Variants in ATP8A1 observed in about 807,000 individuals in gnomAD.
ATP8A1 encodes phospholipid-transporting ATPase IA.
In ATP8A1, 90 loss-of-function variants were observed where a neutral mutation model predicts 177.7. That is an observed-to-expected ratio of 0.51 (90% CI 0.43 to 0.60). The LOEUF is 0.60. ATP8A1 is among the 20% of genes least tolerant of loss of function. ATP8A1 has a pLI of 0.00. For synonymous variants in ATP8A1, 493 were observed against 485.9 expected (o/e 1.01, Z -0.19); for missense variants, 1,072 against 1,392.8 (o/e 0.77, Z 3.67).
At chr4:42,589,486 C>A (rs988008329) in intron 7 of ATP8A1, among the ~76,000 whole-genome samples, 14 of 152,048 alleles carry the variant, frequency 9.2e-5, no homozygotes, top group Admixed American at 2.6e-4. Flanking sequence ...GTGAAAATTG[C>A]TTAAACACAT....
chr4:42,544,807 A>C (rs1286004222), intron 19 of ATP8A1, among the ~76,000 whole-genome samples: 2 of 152,222 alleles, frequency 1.3e-5, no homozygotes, highest in Non-Finnish European at 2.9e-5. Flanking sequence ...AATATGCAGA[A>C]GCAGTCAGTT....
At chr4:42,541,818 G>A (rs1728419694) in intron 20 of ATP8A1, among the ~76,000 whole-genome samples, 1 of 152,180 alleles carries the variant, frequency 6.6e-6, no homozygotes, top group Non-Finnish European at 1.5e-5. Context: ...GGAAAAGGCA[G>A]TAAAAGGAAC....
chr4:42,579,284 T>C (rs920812264), intron 11 of ATP8A1, among the ~76,000 whole-genome samples: 3 of 150,804 alleles, frequency 2.0e-5, no homozygotes, highest in Non-Finnish European at 3.0e-5. Context: ...ATACATTGGG[T>C]TTAAACATTT....
intron 20 of ATP8A1, among the ~76,000 whole-genome samples, chr4:42,533,308 G>A (rs1727467642): frequency 6.6e-6 from 1 of 152,154 alleles, no homozygotes; most frequent in African/African-American, 2.4e-5. Context: ...TGTTGGGGGT[G>A]CACAGTGGGA....
rs746735074 is a variant in ATP8A1, at chr4:42,522,165, C to T, written c.1942G>A (p.Glu648Lys). 6.2e-7 allele frequency: 1 copy of T among 1,607,136 alleles called. No individual in the cohort carries two copies. Among genetic ancestry groups the T allele is most frequent in the Non-Finnish European group, 8.5e-7 (1 of 1,178,392 alleles). ...LKLEESYELI[E>K]KNLQLLGATA... ...CAACAGAATCATCCACGTACCTTTTCAATCAACTCATAACTCTCTTCGAGT... is the reference window on the plus strand; with the variant it reads ...CAACAGAATCATCCACGTACCTTTTTAATCAACTCATAACTCTCTTCGAGT... Residue 648 changes from glutamate (E) to lysine (K), a missense_variant, in exon 22 of 37, where the codon GAA (glutamate) becomes AAA (lysine). By Grantham distance (56) the Glu-to-Lys change is moderately conservative. Coordinates refer to ENST00000381668, the MANE Select transcript of ATP8A1 (RefSeq NM_006095.2).
rs759115442 is a variant in ATP8A1 at position 42,505,494 on chromosome 4, G to T, written c.2086+1522C>A. On this transcript the variant is annotated intron_variant, in intron 23 of 36. Transcript: ENST00000381668. Reference sequence around the variant, plus strand: ...AGGTCTCCCAATTTCAATATGTTCTGCATTTCACCATTATTTTCCTTCTCA... The same window carrying T: ...AGGTCTCCCAATTTCAATATGTTCTTCATTTCACCATTATTTTCCTTCTCA... Among the ~76,000 whole-genome samples, 159 of 151,924 alleles carry T rather than the reference G, an allele frequency of 1.0e-3. 1 individual carries two copies. The highest frequency in any genetic ancestry group is 3.5e-3 in the African/African-American group (145 of 41,358).
chr4:42,459,524 G>C, intron 27 of ATP8A1: 1 of 354,312 alleles, frequency 2.8e-6, no homozygotes, highest in African/African-American at 2.1e-5. Context: ...TTGCTTGAAT[G>C]TCAGTGTTCT....
rs145841161 is a variant in ATP8A1 at position 42,650,693 on chromosome 4, T to C, written c.49+6132A>G. The stretch of plus-strand genomic sequence containing the variant: ...TTAGCACATATTTTACATAATCAAA[T>C]AAATGTCATTATATTTTAGCATTAT... On this transcript the variant is annotated intron_variant, in intron 1 of 36. Transcript: ENST00000381668. Among the ~76,000 whole-genome samples the C allele has an allele frequency of 1.1e-3, 173 of 152,294 alleles. 1 individual carries two copies. The highest frequency in any genetic ancestry group is 5.8e-3 in the East Asian group (30 of 5,186).
chr4:42,461,122 T>C (rs373084541), intron 27 of ATP8A1, among the ~76,000 whole-genome samples: 2 of 152,208 alleles, frequency 1.3e-5, no homozygotes, highest in East Asian at 3.8e-4. Context: ...ACTCCAGATT[T>C]TGAAAACTTA....
intron 20 of ATP8A1, among the ~76,000 whole-genome samples, chr4:42,543,464 C>T (rs962191797): frequency 6.6e-6 from 1 of 152,066 alleles, no homozygotes; most frequent in Non-Finnish European, 1.5e-5. Context: ...TATACCAAAG[C>T]CATGTCAGAA....
chr4:42,635,810 T>TATATATATATATATATATATAC (rs1305090729), intron 1 of ATP8A1, among the ~76,000 whole-genome samples: 22 of 103,864 alleles, frequency 2.1e-4, no homozygotes, highest in African/African-American at 8.3e-4. Flanking sequence ...TATATATATA[T>TATATATATATATATATATATAC]ACACATGTAT....
At chr4:42,560,167 G>T (rs908539732) in intron 15 of ATP8A1, among the ~76,000 whole-genome samples, 1 of 152,172 alleles carries the variant, frequency 6.6e-6, no homozygotes, top group Non-Finnish European at 1.5e-5. Context: ...GTGCAAAGCA[G>T]TGTGTACAGT....
At chr4:42,424,925 C>T (rs144637687) in intron 33 of ATP8A1, among the ~76,000 whole-genome samples, 13 of 152,154 alleles carry the variant, frequency 8.5e-5, no homozygotes, top group Admixed American at 3.9e-4. Flanking sequence ...CACCAATATT[C>T]GAGACACCAA....
chr4:42,603,072 A>C (rs1269353483), intron 5 of ATP8A1, among the ~76,000 whole-genome samples: 1 of 152,140 alleles, frequency 6.6e-6, no homozygotes, highest in Non-Finnish European at 1.5e-5. Flanking sequence ...TTTAAAAAAA[A>C]ACTATAAGTG....
Position 42,590,804 on chromosome 4 carries a change from T to A in ATP8A1, c.524+7A>T. 1 of 1,613,088 alleles carries A rather than the reference T, an allele frequency of 6.2e-7. No homozygotes were observed. Among genetic ancestry groups the A allele is most frequent in the Non-Finnish European group, 8.5e-7 (1 of 1,179,554 alleles). On this transcript the variant is annotated splice_region_variant and intron_variant, in intron 7 of 36. Coordinates refer to ENST00000381668, the MANE Select transcript of ATP8A1 (RefSeq NM_006095.2). ...ACACGCATCCTATACGACTCAGTGGTTCTAACCTTGAGGACAGACTGATGA... is the reference window on the plus strand; with the variant it reads ...ACACGCATCCTATACGACTCAGTGGATCTAACCTTGAGGACAGACTGATGA...
intron 22 of ATP8A1, among the ~76,000 whole-genome samples, chr4:42,507,729 C>CAAAAAAAAAAAAA (rs34269384): frequency 1.1e-4 from 1 of 8,914 alleles, no homozygotes; most frequent in Non-Finnish European, 2.6e-4. Flanking sequence ...GACTCCATCT[C>CAAAAAAAAAAAAA]AAAAAAAAAA....
chr4:42,628,239 T>C (rs1325779767), intron 1 of ATP8A1, among the ~76,000 whole-genome samples: 1 of 151,510 alleles, frequency 6.6e-6, no homozygotes, highest in East Asian at 1.9e-4. Context: ...GTTGGCCAAG[T>C]GCTGGTAACA....
chr4:42,542,426 T>G (rs138065063), intron 20 of ATP8A1, among the ~76,000 whole-genome samples: 60 of 152,180 alleles, frequency 3.9e-4, no homozygotes, highest in African/African-American at 1.3e-3. Flanking sequence ...TCTTAAAGGC[T>G]CTCTTTTTTA....
chr4:42,495,379 G>C (rs1723162649), intron 24 of ATP8A1, among the ~76,000 whole-genome samples: 1 of 152,108 alleles, frequency 6.6e-6, no homozygotes, highest in Admixed American at 6.5e-5. Context: ...TGATTCAGTG[G>C]AACACTGGGC....
Sources: allele counts gnomAD v4.1 joint callset (sites outside exome capture counted in the v4.1 genomes callset), GRCh38; gene constraint gnomAD v4.1.1; transcripts MANE v1.5; gene names NCBI Gene and HGNC (gene_info 2026-07-23, HGNC 2026-07-21).